The following PRKN variants were observed in gnomAD, a reference collection of about 807,000 sequenced individuals.
PRKN encodes parkin RBR E3 ubiquitin protein ligase, also known as E3 ubiquitin-protein ligase parkin.
In PRKN, 56 loss-of-function variants were observed where a neutral mutation model predicts 59.5. The ratio of observed to expected loss-of-function variants is 0.94; its 90% CI spans 0.76 to 1.18. The LOEUF (loss-of-function observed/expected upper bound fraction) is 1.18, where lower values mean the gene tolerates loss of function less well. PRKN is among the 50% of genes most tolerant of loss of function. The pLI is 0.00. For synonymous variants in PRKN, 250 were observed against 222.1 expected (o/e 1.13, Z -1.12); for missense variants, 657 against 596.4 (o/e 1.10, Z -1.06).
rs530077954 is a variant in PRKN, at chr6:161,862,750, GAGA to G, written c.735-76845_735-76843del. ...GGCAGCTTCCCTTCCATTCAGAGGC[GAGA>G]AGGAGTCCAAGCCATTCAGAGGTAA... is the stretch of plus-strand genomic sequence containing the variant. On this transcript the variant is annotated intron_variant, in intron 6 of 11. Transcript: ENST00000366898. Among the ~76,000 whole-genome samples, 588 of 151,594 alleles carry G rather than the reference GAGA, an allele frequency of 3.9e-3. 4 individuals carry two copies. The highest frequency in any genetic ancestry group is 0.013 in the African/African-American group (544 of 41,032).
intron 6 of PRKN, among the ~76,000 whole-genome samples, chr6:161,807,094 C>G (rs1791362327): frequency 1.3e-5 from 2 of 152,168 alleles, no homozygotes; most frequent in South Asian, 4.1e-4. Context: ...ATGTTTTTCT[C>G]AGTACAATTT....
chr6:162,598,397 C>T (rs1171589388), intron 1 of PRKN, among the ~76,000 whole-genome samples: 1 of 152,144 alleles, frequency 6.6e-6, no homozygotes, highest in Admixed American at 6.5e-5. Flanking sequence ...GCACTCACAA[C>T]TGTGAATACA....
chr6:161,999,508 T>C (rs1445627615), intron 5 of PRKN, among the ~76,000 whole-genome samples: 1 of 152,176 alleles, frequency 6.6e-6, no homozygotes. Context: ...AAATATTTCA[T>C]GGCACGTCCA....
intron 5 of PRKN, among the ~76,000 whole-genome samples, chr6:162,041,606 C>T (rs1273789376): frequency 1.3e-5 from 2 of 152,088 alleles, no homozygotes; most frequent in South Asian, 2.1e-4. Context: ...GTCCACCTGT[C>T]GTATCTGTGA....
intron 6 of PRKN, among the ~76,000 whole-genome samples, chr6:161,864,886 C>T (rs902943774): frequency 6.6e-6 from 1 of 152,220 alleles, no homozygotes; most frequent in Non-Finnish European, 1.5e-5. Context: ...AAACTCCTGA[C>T]CTTGTGATCC....
chr6:161,609,346 A>G (rs1002714819), intron 7 of PRKN, among the ~76,000 whole-genome samples: 5 of 152,226 alleles, frequency 3.3e-5, no homozygotes, highest in African/African-American at 7.2e-5. Flanking sequence ...TTGAAGTGAT[A>G]CAAAGTCTTT....
Position 161,567,219 on chromosome 6 carries a change from T to C in PRKN, c.933+2136A>G, listed in dbSNP as rs151129860. Among the ~76,000 whole-genome samples the C allele has an allele frequency of 4.0e-3, 611 of 152,154 alleles. 13 individuals are homozygous for C. The East Asian group carries it at 0.065, about 16-fold the overall frequency. On this transcript the variant is annotated intron_variant, in intron 8 of 11. Coordinates refer to ENST00000366898, the MANE Select transcript of PRKN (RefSeq NM_004562.3). ...ATGCCTGGCTAATATTTTGTATTTT[T>C]AGTAGAGATGTGGTTTCACTATTTC...
At chr6:162,032,692 G>A (rs1037507878) in intron 5 of PRKN, among the ~76,000 whole-genome samples, 30 of 152,210 alleles carry the variant, frequency 2.0e-4, no homozygotes, top group African/African-American at 6.0e-4. Flanking sequence ...TATAGCTAAC[G>A]GTCACTGCTC....
At chr6:161,895,718 G>A (rs555652177) in intron 6 of PRKN, among the ~76,000 whole-genome samples, 1 of 149,642 alleles carries the variant, frequency 6.7e-6, no homozygotes, top group Non-Finnish European at 1.5e-5. Context: ...TCAGGAGCAC[G>A]CCCACCCCAC....
At chr6:162,254,937 A>G (rs1295436531) in intron 3 of PRKN, among the ~76,000 whole-genome samples, 1 of 151,746 alleles carries the variant, frequency 6.6e-6, no homozygotes, top group Non-Finnish European at 1.5e-5. Flanking sequence ...AAAATGTAAC[A>G]CTCCAGAAAA....
At chr6:161,683,398 C>G (rs1244934594) in intron 7 of PRKN, among the ~76,000 whole-genome samples, 1 of 152,208 alleles carries the variant, frequency 6.6e-6, no homozygotes, top group Non-Finnish European at 1.5e-5. Flanking sequence ...GTCTGAGAAG[C>G]AATTTCCATT....
chr6:162,720,702 G>A (rs1170703007), intron 1 of PRKN, among the ~76,000 whole-genome samples: 11 of 150,954 alleles, frequency 7.3e-5, no homozygotes, highest in South Asian at 2.1e-4. Flanking sequence ...CACCCGCCTC[G>A]GCCTCCCAAG....
intron 6 of PRKN, among the ~76,000 whole-genome samples, chr6:161,854,927 A>T (rs1382023308): frequency 6.6e-6 from 1 of 151,934 alleles, no homozygotes; most frequent in Non-Finnish European, 1.5e-5. Flanking sequence ...TACCAAAAAT[A>T]TAAAAATTCG....
At chr6:161,513,960 T>C (rs565408327) in intron 9 of PRKN, among the ~76,000 whole-genome samples, 98 of 152,246 alleles carry the variant, frequency 6.4e-4, no homozygotes, top group African/African-American at 2.2e-3. Flanking sequence ...GCCAGCATTT[T>C]GGGAATCATT....
intron 1 of PRKN, among the ~76,000 whole-genome samples, chr6:162,603,999 A>C (rs111489687): frequency 5.6e-4 from 85 of 152,272 alleles, no homozygotes; most frequent in African/African-American, 1.9e-3. Flanking sequence ...GAGGCTCACG[A>C]ACACTTTTCA....
chr6:162,487,945 A>T (rs911061654), intron 1 of PRKN, among the ~76,000 whole-genome samples: 9 of 151,764 alleles, frequency 5.9e-5, no homozygotes, highest in Admixed American at 5.3e-4. Flanking sequence ...AATTAAAATA[A>T]TGGGTATTTT....
In PRKN at chr6:161,454,697, C is replaced by T. The variant is rs769013169; in HGVS notation, c.1084-67820G>A. On this transcript the variant is annotated intron_variant, in intron 9 of 11. Transcript: ENST00000366898. The surrounding 1 kb of genome is among the most constrained non-coding windows in gnomAD (Gnocchi z 4.6). ...AGCACCAAAGCCAGTGTGAGAAATC[C>T]AGCCCACCATTAGGGCTACTGAAGT... Among the ~76,000 whole-genome samples, 2 of 152,138 alleles carry T rather than the reference C, an allele frequency of 1.3e-5. No individual in the cohort carries two copies. The highest frequency in any genetic ancestry group is 2.9e-5 in the Non-Finnish European group (2 of 68,042).
At chr6:162,457,303 T>TA (rs1444302291) in intron 1 of PRKN, among the ~76,000 whole-genome samples, 3 of 152,124 alleles carry the variant, frequency 2.0e-5, no homozygotes, top group Non-Finnish European at 4.4e-5. Flanking sequence ...TTCAGACTAT[T>TA]AAAAATCATC....
chr6:161,692,140 G>A (rs950090952), intron 7 of PRKN, among the ~76,000 whole-genome samples: 14 of 152,154 alleles, frequency 9.2e-5, no homozygotes, highest in African/African-American at 3.4e-4. Flanking sequence ...GGTTTTGCAT[G>A]GCAAACACTG....
Sources: allele counts gnomAD v4.1 joint callset (sites outside exome capture counted in the v4.1 genomes callset), GRCh38; gene constraint gnomAD v4.1.1; non-coding constraint Gnocchi (gnomAD v3.1); transcripts MANE v1.5; gene names NCBI Gene and HGNC (gene_info 2026-07-23, HGNC 2026-07-21).